Variants in CSMD3 observed in about 807,000 individuals in gnomAD.
The protein encoded by CSMD3 is CUB and Sushi multiple domains 3, also known as CUB and sushi domain-containing protein 3.
In CSMD3, 177 loss-of-function variants were observed where a neutral mutation model predicts 435.2. The observed-to-expected ratio is 0.41, with a 90% CI of 0.36 to 0.46. The LOEUF (loss-of-function observed/expected upper bound fraction) is 0.46. Among genes scored for constraint, CSMD3 ranks in the 20% least tolerant of loss-of-function variants. The pLI, the probability that CSMD3 is intolerant of heterozygous loss-of-function variation, is 0.34. For missense variants in CSMD3, 4,265 were observed against 4,504.6 expected (o/e 0.95, Z 1.52); for synonymous variants, 1,656 against 1,520.5 (o/e 1.09, Z -2.07).
intron 32 of CSMD3, among the ~76,000 whole-genome samples, chr8:112,417,320 A>G (rs942648844): frequency 5.3e-5 from 8 of 152,176 alleles, no homozygotes; most frequent in African/African-American, 1.9e-4. Context: ...CAGTTTCCTC[A>G]TCTGTAAAAT....
rs1812811256 is a variant in CSMD3 at position 112,228,794 on chromosome 8, A to G, written c.10926T>C (p.Leu3642=). ...GATAAAATCCAAATCCTGCAAATAT[A>G]AGTGCAAAAAAAGGCACAAGAATAG... ...AIAILVPFFA[L]IFAGFGFYLY... Residue 3642 remains leucine (L), a synonymous_variant, in exon 70 of 71, where the codon CTT becomes CTC. Coordinates refer to ENST00000297405, the MANE Select transcript of CSMD3 (RefSeq NM_198123.2). 1.9e-6 allele frequency: 3 copies of G among 1,586,950 alleles called. No individual in the cohort carries two copies. The African/African-American group carries it at 4.0e-5, about 21-fold the overall frequency.
intron 22 of CSMD3, among the ~76,000 whole-genome samples, chr8:112,590,245 C>A (rs1185824134): frequency 6.6e-6 from 1 of 152,008 alleles, no homozygotes; most frequent in Non-Finnish European, 1.5e-5. Flanking sequence ...GGATGTCTAT[C>A]ATACAATCAC....
intron 27 of CSMD3, among the ~76,000 whole-genome samples, chr8:112,550,047 A>G (rs758587903): frequency 4.6e-5 from 7 of 152,088 alleles, no homozygotes; most frequent in Non-Finnish European, 8.8e-5. Flanking sequence ...TCCATCAACT[A>G]AACTAAAATT....
chr8:112,620,960 G>C (rs1834021713), intron 22 of CSMD3, among the ~76,000 whole-genome samples: 1 of 152,148 alleles, frequency 6.6e-6, no homozygotes, highest in Non-Finnish European at 1.5e-5. Flanking sequence ...TGGCAGGCCA[G>C]GTGCAGTCGC....
intron 1 of CSMD3, among the ~76,000 whole-genome samples, chr8:113,398,065 G>A (rs970863991): frequency 4.6e-5 from 7 of 152,014 alleles, no homozygotes; most frequent in Non-Finnish European, 1.0e-4. Flanking sequence ...GTGAATGCTC[G>A]ATAGCGTTAA....
At chr8:113,255,475 G>C (rs1428507318) in intron 3 of CSMD3, among the ~76,000 whole-genome samples, 1 of 151,938 alleles carries the variant, frequency 6.6e-6, no homozygotes, top group Admixed American at 6.6e-5. Flanking sequence ...GAAAAATAAT[G>C]ACAAAACAAT....
At chr8:112,356,492 A>C (rs761466600) in intron 38 of CSMD3, among the ~76,000 whole-genome samples, 1 of 151,870 alleles carries the variant, frequency 6.6e-6, no homozygotes, top group Non-Finnish European at 1.5e-5. Flanking sequence ...AACAACAGAC[A>C]CTGGGGGTTA....
At chr8:112,684,802 G>A (rs1011955809) in intron 15 of CSMD3, among the ~76,000 whole-genome samples, 5 of 152,088 alleles carry the variant, frequency 3.3e-5, no homozygotes, top group Admixed American at 2.6e-4. Context: ...TATGTACTCT[G>A]TGCTAAATTA....
At chr8:112,245,665 G>A (rs1814654614) in intron 64 of CSMD3, among the ~76,000 whole-genome samples, 2 of 152,088 alleles carry the variant, frequency 1.3e-5, no homozygotes, top group Non-Finnish European at 1.5e-5. Flanking sequence ...AGACTCCTGA[G>A]GAGCTGGGAC....
chr8:112,341,413 G>T (rs2130989568), intron 42 of CSMD3, 64 bp downstream of exon 42: 1 of 1,074,738 alleles, frequency 9.3e-7, no homozygotes, highest in Non-Finnish European at 1.4e-6. Context: ...ATTAGACTCA[G>T]TTAAATATTT....
rs763055388 is a variant in CSMD3, at chr8:112,228,811, C to G, written c.10909G>C (p.Val3637Leu). 1.0e-5 allele frequency: 16 copies of G among 1,590,198 alleles called. No individual in the cohort carries two copies. The highest frequency in any genetic ancestry group is 1.4e-5 in the Non-Finnish European group (16 of 1,159,050). The change falls in exon 70 of 71, where the codon GTG becomes CTG. Residue 3637 changes from valine to leucine, a missense_variant. This residue lies in a region of CSMD3 where 3,255 missense variants were observed against 3,380.2 expected (regional missense o/e 0.96). Coordinates refer to ENST00000297405, the MANE Select transcript of CSMD3 (RefSeq NM_198123.2). ...NSSSVAIAILVPFFALIFAGF... is the reference protein window; with the variant it reads ...NSSSVAIAILLPFFALIFAGF... Reference sequence around the variant, plus strand: ...GCAAATATAAGTGCAAAAAAAGGCACAAGAATAGCAATGGCTACAGAACTA... The same window carrying G: ...GCAAATATAAGTGCAAAAAAAGGCAGAAGAATAGCAATGGCTACAGAACTA...
At chr8:112,689,107 T>C (rs2076075961) in intron 14 of CSMD3, among the ~76,000 whole-genome samples, 1 of 152,046 alleles carries the variant, frequency 6.6e-6, no homozygotes, top group African/African-American at 2.4e-5. Context: ...TGGTTAAAGA[T>C]AAGAACTAAA....
chr8:113,003,928 AC>A (rs1259911872), intron 6 of CSMD3, among the ~76,000 whole-genome samples: 3 of 152,084 alleles, frequency 2.0e-5, no homozygotes, highest in African/African-American at 4.8e-5. Flanking sequence ...ATTAAAAAAA[AC>A]ATTTATTTTT....
intron 27 of CSMD3, among the ~76,000 whole-genome samples, chr8:112,535,550 T>C (rs1310434330): frequency 1.3e-5 from 2 of 152,026 alleles, no homozygotes; most frequent in East Asian, 1.9e-4. Context: ...GAACATTCCA[T>C]GCTCATGGGT....
At chr8:112,430,691 T>A (rs1019031782) in intron 32 of CSMD3, among the ~76,000 whole-genome samples, 28 of 152,164 alleles carry the variant, frequency 1.8e-4, no homozygotes, top group Admixed American at 1.7e-3. Context: ...AAAAAGCCTA[T>A]GCCAAGCATT....
At chr8:112,822,621 A>T (rs534795791) in intron 12 of CSMD3, among the ~76,000 whole-genome samples, 2 of 151,668 alleles carry the variant, frequency 1.3e-5, no homozygotes, top group South Asian at 4.2e-4. Context: ...TACTCTCTTT[A>T]TTTATTTCTC....
chr8:112,821,686 G>C (rs929278582), intron 12 of CSMD3, among the ~76,000 whole-genome samples: 1 of 152,022 alleles, frequency 6.6e-6, no homozygotes, highest in Non-Finnish European at 1.5e-5. Flanking sequence ...GGCTTTTGTT[G>C]CAATTGCTTT....
At chr8:113,328,381 T>A (rs1038872469) in intron 1 of CSMD3, among the ~76,000 whole-genome samples, 6 of 138,452 alleles carry the variant, frequency 4.3e-5, no homozygotes, top group Admixed American at 3.1e-4. Flanking sequence ...GAGCTTGCAG[T>A]GAGCCGAGAT....
At chr8:112,893,488 A>T (rs1269750560) in intron 10 of CSMD3, among the ~76,000 whole-genome samples, 4 of 151,502 alleles carry the variant, frequency 2.6e-5, no homozygotes, top group African/African-American at 7.3e-5. Context: ...CATTGTTCTA[A>T]AGTACAGCCA....
Sources: allele counts gnomAD v4.1 joint callset (sites outside exome capture counted in the v4.1 genomes callset), GRCh38; gene constraint gnomAD v4.1.1; regional missense constraint gnomAD v4.1.1; transcripts MANE v1.5; gene names NCBI Gene and HGNC (gene_info 2026-07-23, HGNC 2026-07-21).